NRIP1: variants seen among roughly 807,000 people sequenced by gnomAD.
NRIP1 encodes nuclear receptor-interacting protein 1.
NRIP1 carries 28 observed loss-of-function variants against 75.0 expected under a neutral mutation model. That is an observed-to-expected ratio of 0.37 (90% confidence interval 0.28 to 0.51). The LOEUF (loss-of-function observed/expected upper bound fraction) is 0.51. Among genes scored for constraint, NRIP1 ranks in the 20% least tolerant of loss-of-function variants. NRIP1 has a pLI of 0.92. For missense variants in NRIP1, 1,435 were observed against 1,343.7 expected, an observed-to-expected ratio of 1.07 and a Z score of -1.06; for synonymous variants, 526 against 487.6, an observed-to-expected ratio of 1.08 and a Z score of -1.04.
Position 14,966,824 on chromosome 21 carries a change from G to A in NRIP1, c.1369C>T (p.Pro457Ser). 1 of 1,614,088 alleles carries A rather than the reference G, an allele frequency of 6.2e-7. No homozygotes were observed. The highest frequency in any genetic ancestry group is 8.5e-7 in the Non-Finnish European group (1 of 1,179,986). Residue 457 changes from proline to serine, a missense_variant, in exon 4 of 4, where the codon CCT becomes TCT. Physicochemically the swap from Pro to Ser is moderately conservative, Grantham distance 74. Transcript: ENST00000318948. ...TGAGTGAAGTTATCCAGGGAAACAG[G>A]TTGGTCAGATTCTGATTTTTCAGTT... ...HRTEKSESDQ[P>S]VSLDNFTQSL...
intron 3 of NRIP1, among the ~76,000 whole-genome samples, chr21:14,975,091 T>G (rs2087015236): frequency 6.6e-6 from 1 of 151,586 alleles, no homozygotes; most frequent in Non-Finnish European, 1.5e-5. Flanking sequence ...TTAGCCTGGG[T>G]GACAGAGCAA....
At chr21:14,977,719 A>G (rs944993703) in intron 3 of NRIP1, among the ~76,000 whole-genome samples, 3 of 152,268 alleles carry the variant, frequency 2.0e-5, no homozygotes, top group African/African-American at 4.8e-5. Flanking sequence ...CTTGAAAAAA[A>G]TGAATCAAAA....
Position 14,966,897 on chromosome 21 carries a change from T to G in NRIP1, c.1296A>C (p.Glu432Asp). The change falls in exon 4 of 4, where the codon GAA becomes GAC. Residue 432 changes from glutamate (E) to aspartate (D), a missense_variant. Physicochemically the swap from Glu to Asp is conservative, Grantham distance 45. Transcript: ENST00000318948. The stretch of plus-strand genomic sequence containing the variant: ...TGGGAACACAGTTGGAATAAGAACT[T>G]TCATCACCACTGCTGTCATCTGTAA... ...PSFTDDSSGD[E>D]SSYSNCVPID... 6.2e-7 allele frequency: 1 copy of G among 1,614,090 alleles called. No individual in the cohort carries two copies. The highest frequency in any genetic ancestry group is 1.1e-5 in the South Asian group (1 of 91,082).
At chr21:15,049,907 A>C (rs921001570) in intron 1 of NRIP1, among the ~76,000 whole-genome samples, 2 of 152,172 alleles carry the variant, frequency 1.3e-5, no homozygotes, top group African/African-American at 4.8e-5. Context: ...ACAGATGGAC[A>C]TATATTTAAT....
chr21:15,044,543 A>G (rs2089029642), intron 1 of NRIP1, among the ~76,000 whole-genome samples: 1 of 152,004 alleles, frequency 6.6e-6, no homozygotes, highest in Admixed American at 6.6e-5. Flanking sequence ...GCAGCATTCC[A>G]TTTCTATCAG....
chr21:14,967,953 G>A lies in NRIP1; in HGVS notation c.240C>T (p.His80=), dbSNP rs1486131510. The change falls in exon 4 of 4, where the codon CAC becomes CAT. Residue 80 remains histidine (H), a synonymous_variant. Coordinates refer to ENST00000318948, the MANE Select transcript of NRIP1 (RefSeq NM_003489.4). ...THTYQGSGML[H]LKKARLLQSS... ...ACTGCAACAGTCTGGCTTTTTTGAG[G>A]TGCAGCATGCCAGACCCCTGATATG... 2.5e-6 allele frequency: 4 copies of A among 1,613,850 alleles called. No homozygotes were observed. The highest frequency in any genetic ancestry group is 2.7e-5 in the African/African-American group (2 of 74,890).
In NRIP1 at chr21:14,964,712, C is replaced by T. The variant is rs1600798177; in HGVS notation, c.*4G>A. On this transcript the variant is annotated 3_prime_UTR_variant, in exon 4 of 4. Coordinates refer to ENST00000318948, the MANE Select transcript of NRIP1 (RefSeq NM_003489.4). ...AAGATCCAAAACTGGATGGCAGGTA[C>T]ATTTTATTCTGATTCTTTCTTTATC... The T allele has an allele frequency of 2.6e-6, 4 of 1,524,522 alleles. No homozygotes were observed. Among genetic ancestry groups the T allele is most frequent in the East Asian group, 4.5e-5 (2 of 44,258 alleles). The allele number at this position is 1,524,522 out of a possible 1,614,324, so 94.4% of individuals were successfully genotyped here.
At chr21:14,972,897 G>T (rs1466350434) in intron 3 of NRIP1, among the ~76,000 whole-genome samples, 1 of 152,238 alleles carries the variant, frequency 6.6e-6, no homozygotes, top group African/African-American at 2.4e-5. Context: ...AGCTCAGGCG[G>T]TAATGCTTGC....
intron 2 of NRIP1, among the ~76,000 whole-genome samples, chr21:15,040,138 A>T (rs2088921946): frequency 6.6e-6 from 1 of 152,132 alleles, no homozygotes; most frequent in African/African-American, 2.4e-5. Flanking sequence ...AAAGATGACT[A>T]GTCAGAATTC....
chr21:15,011,234 G>T (rs1169552584), intron 3 of NRIP1, among the ~76,000 whole-genome samples: 1 of 152,002 alleles, frequency 6.6e-6, no homozygotes, highest in East Asian at 1.9e-4. Context: ...CTGTCGCCCA[G>T]GCTGGAGTGC....
At position 15,026,338 on chromosome 21, in the gene NRIP1, G is replaced by A. The variant is rs78510551; in HGVS notation, c.-457-11872C>T. Among the ~76,000 whole-genome samples, 2,278 of 152,178 alleles carry A rather than the reference G, an allele frequency of 0.015. 199 individuals are homozygous for A. The East Asian group carries it at 0.25, about 17-fold the overall frequency. On this transcript the variant is annotated intron_variant, in intron 2 of 3. Transcript: ENST00000318948. ...GAAAAGTAAATCAAGATCATAATAC[G>A]ATGCCACTGTATCTACTAATTTGGA...
chr21:15,001,174 A>G (rs2087840697), intron 3 of NRIP1, among the ~76,000 whole-genome samples: 1 of 152,222 alleles, frequency 6.6e-6, no homozygotes, highest in Non-Finnish European at 1.5e-5. Flanking sequence ...ATACAAAAGT[A>G]AACAATAGGA....
rs76641154 is a variant in NRIP1, at chr21:15,026,455, T to C, written c.-457-11989A>G. Among the ~76,000 whole-genome samples, 2,272 of 152,320 alleles carry C rather than the reference T, an allele frequency of 0.015. 197 individuals are homozygous for C. The East Asian group carries it at 0.25, about 17-fold the overall frequency. On this transcript the variant is annotated intron_variant, in intron 2 of 3. Transcript: ENST00000318948. ...ATTATTAATGAAATGTAAACTGGTC[T>C]GATAACATTGGAAACAACTTCATAT...
chr21:15,017,954 A>G (rs2088275718), intron 2 of NRIP1, among the ~76,000 whole-genome samples: 1 of 152,246 alleles, frequency 6.6e-6, no homozygotes, highest in African/African-American at 2.4e-5. Context: ...GAATATTTAA[A>G]TAAAACCAAC....
In NRIP1 at chr21:14,965,880, G is replaced by A. The variant is rs756976672; in HGVS notation, c.2313C>T (p.His771=). ...GGGCACTCTTAGCATCATGGCTCAA[G>A]TGCACATTTGTGTTAGGAATTTGTA... is the stretch of plus-strand genomic sequence containing the variant. ...DDLQIPNTNV[H]LSHDAKSAPF... is the part of the protein sequence containing the mutation. The change falls in exon 4 of 4, where the codon CAC becomes CAT. Residue 771 remains histidine, a synonymous_variant. Coordinates refer to ENST00000318948, the MANE Select transcript of NRIP1 (RefSeq NM_003489.4). 1 of 1,614,108 alleles carries A rather than the reference G, an allele frequency of 6.2e-7. No homozygotes were observed.
intron 3 of NRIP1, among the ~76,000 whole-genome samples, chr21:14,986,028 A>G (rs549979131): frequency 2.8e-4 from 43 of 152,280 alleles, no homozygotes; most frequent in Admixed American, 4.6e-4. Context: ...TACAGTATCA[A>G]CCACAATTAA....
rs145066075 is a variant in NRIP1 at position 14,979,809 on chromosome 21, C to T, written c.-334-11283G>A. On this transcript the variant is annotated intron_variant, in intron 3 of 3. Coordinates refer to ENST00000318948, the MANE Select transcript of NRIP1 (RefSeq NM_003489.4). ...GATTACAGGTGTGAGCCACTGCACC[C>T]GGCCAGAATTGTGAATTTTTATGTG... Among the ~76,000 whole-genome samples the T allele has an allele frequency of 1.8e-3, 275 of 152,060 alleles. 1 individual carries two copies. Among genetic ancestry groups the T allele is most frequent in the Middle Eastern group, 0.014 (4 of 292 alleles).
chr21:14,994,390 G>T (rs2087661709), intron 3 of NRIP1, among the ~76,000 whole-genome samples: 1 of 152,184 alleles, frequency 6.6e-6, no homozygotes, highest in Admixed American at 6.5e-5. Flanking sequence ...CTCCCAGAAT[G>T]CTGGGATTAC....
chr21:14,993,486 T>A (rs1398279446), intron 3 of NRIP1, among the ~76,000 whole-genome samples: 1 of 152,178 alleles, frequency 6.6e-6, no homozygotes, highest in African/African-American at 2.4e-5. Flanking sequence ...GGTCAACCAT[T>A]TGCTCTGTAA....
Sources: gnomAD v4.1 joint callset for allele counts (sites outside exome capture counted in the v4.1 genomes callset) on GRCh38, gnomAD v4.1.1 for gene constraint, MANE v1.5 for transcripts, NCBI Gene and HGNC (gene_info 2026-07-23, HGNC 2026-07-21) for gene names.